PCDHA11: variants seen among roughly 807,000 people sequenced by gnomAD.
The protein encoded by PCDHA11 is protocadherin alpha 11.
Under a neutral mutation model 70.3 loss-of-function variants are expected in PCDHA11, and 61 were observed. That is an observed-to-expected ratio of 0.87 (90% CI 0.71 to 1.07). The LOEUF (loss-of-function observed/expected upper bound fraction) is 1.07, where lower values mean the gene tolerates loss of function less well. Among genes scored for constraint, PCDHA11 ranks in the 50% least tolerant of loss-of-function variants. The pLI is 0.00. For missense variants in PCDHA11, 1,324 were observed against 1,237.5 expected (o/e 1.07, Z -1.05); for synonymous variants, 633 against 555.1 (o/e 1.14, Z -1.97).
chr5:140,986,793 G>A lies in PCDHA11; in HGVS notation c.2539+4230G>A, dbSNP rs945707149. 6.6e-5 allele frequency among the ~76,000 whole-genome samples: 10 copies of A among 152,312 alleles called. No homozygotes were observed. In the East Asian group the frequency reaches 1.7e-3, roughly 26 times the overall value. ...TTAGGTAGCGGAAGCCACTAAGGCA[G>A]TGAGTCTTAGTTAGAGAACTTTGGT... On this transcript the variant is annotated intron_variant, in intron 3 of 3. Coordinates refer to ENST00000398640, the MANE Select transcript of PCDHA11 (RefSeq NM_018902.5).
intron 1 of PCDHA11, chr5:140,884,195 C>T: frequency 6.2e-7 from 1 of 1,613,394 alleles, no homozygotes; most frequent in Non-Finnish European, 8.5e-7. Flanking sequence ...GGTGGACGCG[C>T]CGCACCACCG....
At chr5:140,937,927 A>AT (rs201742095) in intron 1 of PCDHA11, among the ~76,000 whole-genome samples, 1 of 149,222 alleles carries the variant, frequency 6.7e-6, no homozygotes, top group Non-Finnish European at 1.5e-5. Flanking sequence ...AAAAAAAAAA[A>AT]GTTTAATTTG....
At chr5:140,929,258 T>C (rs1288767035) in intron 1 of PCDHA11, 2 of 1,612,832 alleles carry the variant, frequency 1.2e-6, no homozygotes, top group Non-Finnish European at 1.7e-6. Flanking sequence ...GGGGTAGGAC[T>C]GAATTTGCCA....
intron 1 of PCDHA11, among the ~76,000 whole-genome samples, chr5:140,914,284 G>T (rs781914384): frequency 9.9e-5 from 15 of 152,022 alleles, no homozygotes; most frequent in Non-Finnish European, 2.1e-4. Flanking sequence ...ATTTATAATT[G>T]TTATATCCTC....
intron 1 of PCDHA11, among the ~76,000 whole-genome samples, chr5:140,900,220 A>G (rs2067832167): frequency 6.6e-6 from 1 of 152,132 alleles, no homozygotes; most frequent in South Asian, 2.1e-4. Context: ...GTTGTTGCAA[A>G]TGACTGGATC....
At position 140,962,458 on chromosome 5, in the gene PCDHA11, G is replaced by A. The variant is rs535139362; in HGVS notation, c.2392-16491G>A. ...CCAAAGATGGCTTGAATCTCTTATG[G>A]CTTGAATCTCTTTGTTTATTCTAAG... On this transcript the variant is annotated intron_variant, in intron 1 of 3. Transcript: ENST00000398640. Among the ~76,000 whole-genome samples, 222 of 152,088 alleles carry A rather than the reference G, an allele frequency of 1.5e-3. 9 individuals carry two copies. In the South Asian group the frequency reaches 0.044, roughly 30 times the overall value.
At chr5:140,984,031 CAT>C (rs2153832931) in intron 3 of PCDHA11, among the ~76,000 whole-genome samples, 1 of 152,260 alleles carries the variant, frequency 6.6e-6, no homozygotes, top group South Asian at 2.1e-4. Context: ...AGGGGAAAAA[CAT>C]AAAATAGTTC....
intron 1 of PCDHA11, among the ~76,000 whole-genome samples, chr5:140,937,959 T>C (rs1344033743): frequency 5.3e-5 from 8 of 152,142 alleles, no homozygotes; most frequent in African/African-American, 1.9e-4. Context: ...TTGTTGAAAG[T>C]ATATAGAAAT....
intron 1 of PCDHA11, among the ~76,000 whole-genome samples, chr5:140,952,848 T>A (rs10476804): frequency 0.013 from 2,044 of 152,238 alleles, 38 homozygotes; most frequent in African/African-American, 0.047. Context: ...CTGCTTGTCT[T>A]CTGGGGAGGC....
Position 140,928,358 on chromosome 5 carries a change from CT to C in PCDHA11, c.2392-50590del, listed in dbSNP as rs782782118. 3.7e-6 allele frequency: 6 copies of C among 1,614,178 alleles called. No homozygotes were observed. In the Admixed American group the frequency reaches 1.0e-4, roughly 27 times the overall value. ...TCTTATGAGCTGTTGGATGTTATCT[CT>C]GAAGGGCCATCAGCCTCTAGCTTGC... On this transcript the variant is annotated intron_variant, in intron 1 of 3. Coordinates refer to ENST00000398640, the MANE Select transcript of PCDHA11 (RefSeq NM_018902.5).
intron 1 of PCDHA11, chr5:140,878,062 T>C (rs1180266527): frequency 2.5e-6 from 1 of 403,164 alleles, no homozygotes; most frequent in East Asian, 4.6e-5. Context: ...ACACTTAATA[T>C]TTTTCTTTTT....
intron 1 of PCDHA11, chr5:140,876,109 A>T: frequency 6.2e-7 from 1 of 1,613,946 alleles, no homozygotes; most frequent in Non-Finnish European, 8.5e-7. Context: ...TTTATTGCTG[A>T]TGGTAATCGA....
In PCDHA11 at chr5:140,869,484, C is replaced by G. The variant is rs782167038; in HGVS notation, c.381C>G (p.Asn127Lys). Residue 127 changes from asparagine to lysine, a missense_variant, in exon 1 of 4, where the codon AAC (asparagine) becomes AAG (lysine). By Grantham distance (94) the Asn-to-Lys change is moderately conservative. Coordinates refer to ENST00000398640, the MANE Select transcript of PCDHA11 (RefSeq NM_018902.5). ...FHVNVEVKDI[N>K]DNPPVFSLRE... ...TGAACGTGGAGGTGAAGGACATTAACGACAACCCGCCGGTGTTCTCGCTCA... is the reference window on the plus strand; with the variant it reads ...TGAACGTGGAGGTGAAGGACATTAAGGACAACCCGCCGGTGTTCTCGCTCA... 2 of 1,613,948 alleles carry G rather than the reference C, an allele frequency of 1.2e-6. No individual in the cohort carries two copies. The highest frequency in any genetic ancestry group is 1.7e-6 in the Non-Finnish European group (2 of 1,179,806).
rs942533344 is a variant in PCDHA11, at chr5:140,870,223, T to A, written c.1120T>A (p.Ser374Thr). The A allele has an allele frequency of 3.4e-5, 55 of 1,614,052 alleles. No homozygotes were observed. The highest frequency in any genetic ancestry group is 4.5e-5 in the Non-Finnish European group (53 of 1,180,044). Residue 374 changes from serine (S) to threonine (T), a missense_variant, in exon 1 of 4, where the codon TCT becomes ACT. Physicochemically the swap from Ser to Thr is moderately conservative, Grantham distance 58. Coordinates refer to ENST00000398640, the MANE Select transcript of PCDHA11 (RefSeq NM_018902.5). ...CACGGTCATTGCCCTGATCAGCGTG[T>A]CTGACCGTGACTCAGGTGTCAACGG... ...PSTVIALISV[S>T]DRDSGVNGQV...
chr5:140,877,062 G>T, intron 1 of PCDHA11: 3 of 1,612,992 alleles, frequency 1.9e-6, no homozygotes, highest in Non-Finnish European at 2.5e-6. Flanking sequence ...AGCTGGAGCT[G>T]CTGCAGTTCC....
chr5:140,933,314 G>C (rs925777839), intron 1 of PCDHA11, among the ~76,000 whole-genome samples: 1 of 151,914 alleles, frequency 6.6e-6, no homozygotes, highest in African/African-American at 2.4e-5. Context: ...ATGCAATCTC[G>C]TATTCTCCTG....
chr5:140,871,873 A>G (rs529401892), intron 1 of PCDHA11, among the ~76,000 whole-genome samples: 44 of 152,336 alleles, frequency 2.9e-4, no homozygotes, highest in African/African-American at 1.0e-3. Flanking sequence ...GATTATTTAA[A>G]TTTGCTCCTC....
intron 1 of PCDHA11, chr5:140,882,076 G>A: frequency 1.1e-6 from 1 of 920,546 alleles, no homozygotes. Flanking sequence ...TGCGCATGGT[G>A]TCGCTCTTCA....
chr5:140,928,313 T>TG (rs1554205740), intron 1 of PCDHA11: 1 of 1,614,172 alleles, frequency 6.2e-7, no homozygotes, highest in Non-Finnish European at 8.5e-7. Flanking sequence ...GACCCCGACC[T>TG]GGGGAAGAAT....
Sources: allele counts gnomAD v4.1 joint callset (sites outside exome capture counted in the v4.1 genomes callset), GRCh38; gene constraint gnomAD v4.1.1; transcripts MANE v1.5; gene names NCBI Gene and HGNC (gene_info 2026-07-23, HGNC 2026-07-21).